ANAPC10: variants seen among roughly 807,000 people sequenced by gnomAD.
ANAPC10 encodes the protein anaphase-promoting complex subunit 10.
ANAPC10 carries 12 observed loss-of-function variants against 22.0 expected under a neutral mutation model. The ratio of observed to expected loss-of-function variants is 0.55; its 90% CI spans 0.35 to 0.88. ANAPC10 has a LOEUF of 0.88. ANAPC10 is among the 40% of genes least tolerant of loss of function. ANAPC10 has a pLI of 0.01. For missense variants in ANAPC10, 188 were observed against 220.9 expected (o/e 0.85, Z 0.94); for synonymous variants, 65 against 69.5 (o/e 0.94, Z 0.32).
chr4:145,026,488 G>A (rs1272769422), intron 4 of ANAPC10, among the ~76,000 whole-genome samples: 2 of 152,070 alleles, frequency 1.3e-5, no homozygotes, highest in Non-Finnish European at 2.9e-5. Flanking sequence ...AAATAAGGTG[G>A]TCAGAATAGG....
intron 2 of ANAPC10, among the ~76,000 whole-genome samples, chr4:145,090,693 T>C (rs146390772): frequency 1.3e-3 from 196 of 152,346 alleles, no homozygotes; most frequent in African/African-American, 4.2e-3. Flanking sequence ...CAACTTCATA[T>C]ATAACTTTTG....
intron 2 of ANAPC10, 122 bp from the exon 3 acceptor site, chr4:145,081,872 AT>A (rs896968777): frequency 4.8e-4 from 345 of 725,002 alleles, no homozygotes; most frequent in African/African-American, 4.4e-3. Flanking sequence ...AGAAATATTA[AT>A]TTTTTTTTAT....
chr4:145,069,018 G>A (rs1258232572), intron 3 of ANAPC10, among the ~76,000 whole-genome samples: 1 of 152,180 alleles, frequency 6.6e-6, no homozygotes, highest in South Asian at 2.1e-4. Context: ...GGATATATGA[G>A]ACCTTAATGC....
chr4:145,077,676 C>T (rs1196679171), intron 3 of ANAPC10, among the ~76,000 whole-genome samples: 1 of 152,128 alleles, frequency 6.6e-6, no homozygotes, highest in African/African-American at 2.4e-5. Context: ...TAATCCACCA[C>T]AATCAAGCAG....
intron 2 of ANAPC10, among the ~76,000 whole-genome samples, chr4:145,089,496 C>T (rs1747366448): frequency 2.0e-5 from 3 of 152,088 alleles, no homozygotes; most frequent in African/African-American, 7.2e-5. Context: ...TTTTAAAAGA[C>T]CCTATTATAC....
At chr4:145,073,292 TG>T (rs1378779726) in intron 3 of ANAPC10, among the ~76,000 whole-genome samples, 11 of 152,352 alleles carry the variant, frequency 7.2e-5, no homozygotes, top group African/African-American at 2.6e-4. Flanking sequence ...ATTGCACAAA[TG>T]CTTTTTTACA....
chr4:145,087,115 C>A (rs773840694), intron 2 of ANAPC10, among the ~76,000 whole-genome samples: 7 of 151,982 alleles, frequency 4.6e-5, no homozygotes, highest in Non-Finnish European at 7.4e-5. Flanking sequence ...ATGGAGCAGA[C>A]TTGAACCTGA....
intron 4 of ANAPC10, among the ~76,000 whole-genome samples, chr4:145,012,049 C>T (rs1734398239): frequency 6.6e-6 from 1 of 152,022 alleles, no homozygotes; most frequent in African/African-American, 2.4e-5. Flanking sequence ...AGTAAAGCAT[C>T]TCAGTCTATC....
intron 2 of ANAPC10, among the ~76,000 whole-genome samples, chr4:145,083,533 G>A (rs984985750): frequency 6.6e-6 from 1 of 152,082 alleles, no homozygotes; most frequent in Non-Finnish European, 1.5e-5. Context: ...CACCAAAAAT[G>A]TAAAAGAATA....
rs868400253 is a variant in ANAPC10 at position 145,005,111 on chromosome 4, T to C, written c.328-9508A>G. Among the ~76,000 whole-genome samples the C allele has an allele frequency of 3.9e-5, 6 of 152,270 alleles. 1 individual carries two copies. Among genetic ancestry groups the C allele is most frequent in the African/African-American group, 7.2e-5 (3 of 41,572 alleles). ...TGTATCCATTTCTTTTTCCTTTTCT[T>C]TTTTTGAAGGCTCACTGCAAACTCT... On this transcript the variant is annotated intron_variant, in intron 4 of 4. Coordinates refer to ENST00000507656, the MANE Select transcript of ANAPC10 (RefSeq NM_001256706.2).
chr4:145,097,522 C>A, intron 1 of ANAPC10: 2 of 1,287,172 alleles, frequency 1.6e-6, no homozygotes, highest in Non-Finnish European at 2.0e-6. Flanking sequence ...CCATTGTATC[C>A]GAAGTTGTTC....
intron 4 of ANAPC10, among the ~76,000 whole-genome samples, chr4:145,058,055 C>T (rs1560889701): frequency 6.6e-6 from 1 of 152,168 alleles, no homozygotes; most frequent in Non-Finnish European, 1.5e-5. Flanking sequence ...CCATTACGTA[C>T]AATCTGACTA....
At chr4:145,048,860 T>C (rs1740696051) in intron 4 of ANAPC10, among the ~76,000 whole-genome samples, 1 of 152,204 alleles carries the variant, frequency 6.6e-6, no homozygotes, top group African/African-American at 2.4e-5. Flanking sequence ...AATACCTCTT[T>C]GCTCTAATTT....
At chr4:145,003,147 A>G (rs186993969) in intron 4 of ANAPC10, among the ~76,000 whole-genome samples, 1 of 152,198 alleles carries the variant, frequency 6.6e-6, no homozygotes, top group Admixed American at 6.5e-5. Context: ...CAGTTTGCTT[A>G]GGATACTGGC....
chr4:145,061,702 T>A (rs1448085365), intron 4 of ANAPC10, among the ~76,000 whole-genome samples: 1 of 152,150 alleles, frequency 6.6e-6, no homozygotes, highest in Middle Eastern at 3.2e-3. Flanking sequence ...ATCCAATCAT[T>A]TGGTAATGTG....
intron 4 of ANAPC10, among the ~76,000 whole-genome samples, chr4:145,011,742 A>C (rs184853884): frequency 6.6e-6 from 1 of 152,234 alleles, no homozygotes; most frequent in Non-Finnish European, 1.5e-5. Context: ...TACATGGCCT[A>C]TTTTTCCCTC....
chr4:145,090,125 C>T (rs556725306), intron 2 of ANAPC10, among the ~76,000 whole-genome samples: 3 of 152,232 alleles, frequency 2.0e-5, no homozygotes, highest in Admixed American at 6.5e-5. Context: ...TGGCATCCAA[C>T]GAGGATTGGT....
intron 4 of ANAPC10, among the ~76,000 whole-genome samples, chr4:145,011,028 C>G (rs1342259150): frequency 6.6e-6 from 1 of 152,012 alleles, no homozygotes; most frequent in Non-Finnish European, 1.5e-5. Flanking sequence ...TTTAAAATGT[C>G]TCTTTTAAAT....
chr4:145,008,689 CA>C (rs1220398768), intron 4 of ANAPC10, among the ~76,000 whole-genome samples: 2 of 152,140 alleles, frequency 1.3e-5, no homozygotes, highest in Non-Finnish European at 2.9e-5. Flanking sequence ...GGACGTATCT[CA>C]AAATAATAAG....
Sources: allele counts gnomAD v4.1 joint callset (sites outside exome capture counted in the v4.1 genomes callset), GRCh38; gene constraint gnomAD v4.1.1; transcripts MANE v1.5; gene names NCBI Gene and HGNC (gene_info 2026-07-23, HGNC 2026-07-21).